ARGFX: variants seen among roughly 807,000 people sequenced by gnomAD.
ARGFX encodes arginine-fifty homeobox.
Under a neutral mutation model 8.0 loss-of-function variants are expected in ARGFX, and 10 were observed. That is an observed-to-expected ratio of 1.25 (90% CI 0.77 to 2.12). ARGFX has a LOEUF of 2.12. ARGFX is among the 30% of genes most tolerant of loss of function. The pLI is 0.00. For synonymous variants in ARGFX, 116 were observed against 117.8 expected, an observed-to-expected ratio of 0.98 and a Z score of 0.10; for missense variants, 282 against 324.3, an observed-to-expected ratio of 0.87 and a Z score of 1.00.
At chr3:121,569,424 G>A (rs961347140) in intron 1 of ARGFX, among the ~76,000 whole-genome samples, 9 of 144,114 alleles carry the variant, frequency 6.2e-5, no homozygotes, top group African/African-American at 1.8e-4. Flanking sequence ...GGAGTGCAGT[G>A]ACATGATCTC....
intron 3 of ARGFX, among the ~76,000 whole-genome samples, chr3:121,583,025 ATT>A (rs35823830): frequency 4.5e-3 from 486 of 108,298 alleles, no homozygotes; most frequent in African/African-American, 0.015. Context: ...TAATTGCGGG[ATT>A]TTTTTTTTTT....
At chr3:121,577,086 AG>A (rs1344954435) in intron 3 of ARGFX, among the ~76,000 whole-genome samples, 186 bp downstream of exon 3, 1 of 151,286 alleles carries the variant, frequency 6.6e-6, no homozygotes, top group Non-Finnish European at 1.5e-5. Context: ...CTCCTCTCTG[AG>A]GTTGTCATTA....
intron 3 of ARGFX, among the ~76,000 whole-genome samples, chr3:121,581,243 C>G (rs2048778500): frequency 6.6e-6 from 1 of 152,168 alleles, no homozygotes. Flanking sequence ...GTGTGAGCCA[C>G]CATGCCTGGC....
chr3:121,585,053 G>A lies in ARGFX; in HGVS notation c.357G>A (p.Glu119=), dbSNP rs768958698. ...TAGCTTTGAGACTCGACCTACCGGAGTCAACAGTAAAGGTCTGATCCCCTG... is the reference window on the plus strand; with the variant it reads ...TAGCTTTGAGACTCGACCTACCGGAATCAACAGTAAAGGTCTGATCCCCTG... ...EKLALRLDLP[E]STVKVWFRNR... is the part of the protein sequence containing the mutation. Residue 119 remains glutamate, a synonymous_variant, in exon 4 of 5, where the codon GAG becomes GAA. Coordinates refer to ENST00000334384, the MANE Select transcript of ARGFX (RefSeq NM_001012659.2). The A allele has an allele frequency of 1.2e-6, 2 of 1,613,856 alleles. No individual in the cohort carries two copies. The highest frequency in any genetic ancestry group is 1.7e-6 in the Non-Finnish European group (2 of 1,179,954).
chr3:121,570,439 A>G (rs780596897), intron 1 of ARGFX, among the ~76,000 whole-genome samples: 4 of 152,252 alleles, frequency 2.6e-5, no homozygotes, highest in Non-Finnish European at 5.9e-5. Context: ...AATCTCATCA[A>G]AGAAATATCC....
Position 121,587,978 on chromosome 3 carries a change from T to G in ARGFX, c.*1378T>G, listed in dbSNP as rs1576446329. Among the ~76,000 whole-genome samples, 1 of 144,860 alleles carries G rather than the reference T, an allele frequency of 6.9e-6. No homozygotes were observed. The highest frequency in any genetic ancestry group is 1.5e-5 in the Non-Finnish European group (1 of 65,772). ...AATGAAAAAATAATATATATATATA[T>G]AGTACAATGGTCCAGACATAATAAG... On this transcript the variant is annotated 3_prime_UTR_variant, in exon 5 of 5. Coordinates refer to ENST00000334384, the MANE Select transcript of ARGFX (RefSeq NM_001012659.2).
chr3:121,571,730 A>ATTTTTTTT (rs1173636701), intron 2 of ARGFX, among the ~76,000 whole-genome samples: 373 of 106,806 alleles, frequency 3.5e-3, no homozygotes, highest in Non-Finnish European at 4.2e-3. Flanking sequence ...TGCCCGGCAA[A>ATTTTTTTT]TTTTTTTTTT....
At chr3:121,582,029 G>A (rs2048783356) in intron 3 of ARGFX, among the ~76,000 whole-genome samples, 1 of 152,062 alleles carries the variant, frequency 6.6e-6, no homozygotes, top group African/African-American at 2.4e-5. Flanking sequence ...TGGGGAACAG[G>A]GATGGTTTCA....
At chr3:121,583,153 C>T (rs1013229877) in intron 3 of ARGFX, among the ~76,000 whole-genome samples, 2 of 151,306 alleles carry the variant, frequency 1.3e-5, no homozygotes, top group African/African-American at 4.9e-5. Flanking sequence ...CCTCAGCCTC[C>T]CTAGTAGCTG....
chr3:121,578,120 C>CT (rs35072728), intron 3 of ARGFX, among the ~76,000 whole-genome samples: 2,688 of 112,934 alleles, frequency 0.024, 68 homozygotes, highest in Non-Finnish European at 0.033. Context: ...CCCTACCCCA[C>CT]TTTTTTTTTT....
In ARGFX at chr3:121,586,119, C is replaced by G; in HGVS notation, c.467C>G (p.Pro156Arg). 6.2e-7 allele frequency: 1 copy of G among 1,612,108 alleles called. No individual in the cohort carries two copies. The highest frequency in any genetic ancestry group is 8.5e-7 in the Non-Finnish European group (1 of 1,179,366). ...ATCCTTCCATCCAAGAAGAATGTGC[C>G]CACCTCCCCCAGAACATCCCCCAGT... is the stretch of plus-strand genomic sequence containing the variant. ...NQILPSKKNV[P>R]TSPRTSPSPY... Residue 156 changes from proline (P) to arginine (R), a missense_variant, in exon 5 of 5, where the codon CCC becomes CGC. Physicochemically the swap from Pro to Arg is moderately radical, Grantham distance 103. Transcript: ENST00000334384.
intron 3 of ARGFX, among the ~76,000 whole-genome samples, chr3:121,584,204 GAGGAAGGAAGGAAGGAAGGAAGGAAGGA>G (rs749567796): frequency 7.7e-5 from 8 of 104,264 alleles, no homozygotes; most frequent in Non-Finnish European, 9.3e-5. Flanking sequence ...GACAGAGAGA[GAGGAAGGAAGGAAGGAAGGAAGGAAGGA>G]AGGAAGGAAG....
chr3:121,584,297 CAAAGA>C (rs1034112528), intron 3 of ARGFX, among the ~76,000 whole-genome samples: 9 of 150,770 alleles, frequency 6.0e-5, no homozygotes, highest in Non-Finnish European at 1.0e-4. Context: ...CAAAGCAAAG[CAAAGA>C]AAAGAGCCTA....
intron 2 of ARGFX, among the ~76,000 whole-genome samples, chr3:121,574,988 G>A (rs1176045075): frequency 6.6e-6 from 1 of 152,178 alleles, no homozygotes. Context: ...CACAATTTCA[G>A]TGGTTTTAAA....
At chr3:121,578,023 C>T (rs1282546546) in intron 3 of ARGFX, among the ~76,000 whole-genome samples, 1 of 151,740 alleles carries the variant, frequency 6.6e-6, no homozygotes, top group Non-Finnish European at 1.5e-5. Flanking sequence ...TGACTTCAAG[C>T]GATCCGCTCG....
Position 121,588,432 on chromosome 3 carries a change from C to T in ARGFX, c.*1832C>T, listed in dbSNP as rs1416980853. 2.7e-5 allele frequency among the ~76,000 whole-genome samples: 4 copies of T among 147,098 alleles called. No homozygotes were observed. The highest frequency in any genetic ancestry group is 4.3e-4 in the South Asian group (2 of 4,610). On this transcript the variant is annotated 3_prime_UTR_variant, in exon 5 of 5. Coordinates refer to ENST00000334384, the MANE Select transcript of ARGFX (RefSeq NM_001012659.2). ...GGTGGAGGTTGCAGTGAGCTGAGGT[C>T]GCACCACTGCACTCCAGCCTGGACA...
rs1328564032 is a variant in ARGFX at position 121,586,979 on chromosome 3, T to C, written c.*379T>C. Among the ~76,000 whole-genome samples, 1 of 152,144 alleles carries C rather than the reference T, an allele frequency of 6.6e-6. No individual in the cohort carries two copies. Among genetic ancestry groups the C allele is most frequent in the Admixed American group, 6.5e-5 (1 of 15,268 alleles). On this transcript the variant is annotated 3_prime_UTR_variant, in exon 5 of 5. Transcript: ENST00000334384. ...GTCACGGCTCACAAAAGCCTTGACC[T>C]CCTGGGCTCAGGTGATCCTCCCACC...
At chr3:121,571,730 A>ATTTTTTTTTT (rs1173636701) in intron 2 of ARGFX, among the ~76,000 whole-genome samples, 380 of 107,010 alleles carry the variant, frequency 3.6e-3, no homozygotes, top group Non-Finnish European at 5.0e-3. Flanking sequence ...TGCCCGGCAA[A>ATTTTTTTTTT]TTTTTTTTTT....
chr3:121,580,140 T>G (rs989526305), intron 3 of ARGFX, among the ~76,000 whole-genome samples: 1 of 151,300 alleles, frequency 6.6e-6, no homozygotes, highest in South Asian at 2.1e-4. Flanking sequence ...GATTTCACCA[T>G]GTTTTTGTAG....
Sources: gnomAD v4.1 joint callset for allele counts (sites outside exome capture counted in the v4.1 genomes callset) on GRCh38, gnomAD v4.1.1 for gene constraint, MANE v1.5 for transcripts, NCBI Gene and HGNC (gene_info 2026-07-23, HGNC 2026-07-21) for gene names.